GLB1L3: variants seen among roughly 807,000 people sequenced by gnomAD.
GLB1L3 encodes galactosidase beta 1 like 3, also known as beta-galactosidase-1-like protein 3.
Under a neutral mutation model 89.5 loss-of-function variants are expected in GLB1L3, and 89 were observed. The observed-to-expected ratio is 0.99, with a 90% CI of 0.84 to 1.19. The LOEUF is 1.19. Ranked by LOEUF, GLB1L3 falls within the 50% of genes most tolerant of loss-of-function variation. The probability of loss-of-function intolerance (pLI) is 0.00; values close to 1 mark genes in which losing one functional copy is unlikely to be tolerated. For synonymous variants in GLB1L3, 314 were observed against 312.3 expected, an observed-to-expected ratio of 1.01 and a Z score of -0.06; for missense variants, 812 against 813.3, an observed-to-expected ratio of 1.00 and a Z score of 0.02.
chr11:134,309,630 T>G lies in GLB1L3; in HGVS notation c.966T>G (p.Val322=), dbSNP rs1942623598. 1 of 1,599,214 alleles carries G rather than the reference T, an allele frequency of 6.3e-7. No individual in the cohort carries two copies. Among genetic ancestry groups the G allele is most frequent in the Non-Finnish European group, 8.5e-7 (1 of 1,169,704 alleles). The part of the protein sequence containing the change: ...DKHHVKDAKE[V]EHAVSEFIKY... ...TTCTCATGTTCCCCTTTGCAGAGGT[T>G]GAACATGCTGTGTCTGAATTCATCA... The change falls in exon 11 of 20, where the codon GTT becomes GTG. Residue 322 remains valine, a synonymous_variant. Transcript: ENST00000431683.
At chr11:134,298,114 T>C (rs1941755177) in intron 9 of GLB1L3, among the ~76,000 whole-genome samples, 1 of 152,024 alleles carries the variant, frequency 6.6e-6, no homozygotes, top group African/African-American at 2.4e-5. Context: ...AATTTTCTGT[T>C]TGTCTTTAGT....
intron 16 of GLB1L3, 86 bp downstream of exon 16, chr11:134,313,560 G>T: frequency 9.2e-7 from 1 of 1,084,810 alleles, no homozygotes; most frequent in Non-Finnish European, 1.4e-6. Flanking sequence ...AGAGGGTGGG[G>T]AAACCAGCCG....
At chr11:134,314,761 A>G (rs1942906039) in intron 18 of GLB1L3, among the ~76,000 whole-genome samples, 1 of 152,176 alleles carries the variant, frequency 6.6e-6, no homozygotes, top group South Asian at 2.1e-4. Flanking sequence ...GTACATTTTT[A>G]TATATAACTT....
At chr11:134,324,244 C>A (rs1355441364), downstream of GLB1L3, among the ~76,000 whole-genome samples, 1 of 152,178 alleles carries the variant, frequency 6.6e-6, no homozygotes, top group Non-Finnish European at 1.5e-5. Context: ...TTTCTGCATG[C>A]CCAAATATCT....
At position 134,277,907 on chromosome 11, in the gene GLB1L3, C is replaced by A. The variant is rs1940467836; in HGVS notation, c.357C>A (p.Val119=). ...LKLKACGFNT[V]TTYVPWNLHE... Reference sequence around the variant, plus strand: ...TGAAGGCCTGTGGCTTCAATACTGTCACCACGTGAGTGCCGGCCCCTCACC... The same window carrying A: ...TGAAGGCCTGTGGCTTCAATACTGTAACCACGTGAGTGCCGGCCCCTCACC... Residue 119 remains valine, a synonymous_variant, in exon 3 of 20, where the codon GTC becomes GTA. Transcript: ENST00000431683. 1 of 1,613,780 alleles carries A rather than the reference C, an allele frequency of 6.2e-7. No homozygotes were observed. The highest frequency in any genetic ancestry group is 1.1e-5 in the South Asian group (1 of 91,056).
chr11:134,314,124 T>C (rs1942878976), intron 17 of GLB1L3, 96 bp downstream of exon 17: 3 of 880,474 alleles, frequency 3.4e-6, no homozygotes, highest in African/African-American at 3.3e-5. Context: ...AGATAGAGAC[T>C]GAGTGATGTA....
chr11:134,313,913 C>T (rs1357023935), intron 16 of GLB1L3, 28 bp from the exon 17 acceptor site: 31 of 1,446,176 alleles, frequency 2.1e-5, no homozygotes, highest in Non-Finnish European at 3.0e-5. Flanking sequence ...CTCATATTCT[C>T]TTTCCTGCCT....
intron 3 of GLB1L3, among the ~76,000 whole-genome samples, chr11:134,280,084 T>C (rs559550499): frequency 1.3e-5 from 2 of 152,292 alleles, no homozygotes; most frequent in Admixed American, 6.5e-5. Context: ...TTTTGCTATA[T>C]AGTGCTTTGA....
At chr11:134,301,291 G>A (rs1941938186) in intron 9 of GLB1L3, among the ~76,000 whole-genome samples, 1 of 152,122 alleles carries the variant, frequency 6.6e-6, no homozygotes. Context: ...GTGAGGATGG[G>A]ATTTATGTTT....
intron 9 of GLB1L3, chr11:134,304,986 G>T (rs1441704210): frequency 3.5e-6 from 3 of 862,282 alleles, no homozygotes; most frequent in South Asian, 6.4e-5. Context: ...TGCTGTGAGA[G>T]CCCGCATGCG....
chr11:134,276,882 G>A (rs978533431), intron 1 of GLB1L3, 119 bp downstream of exon 1: 2 of 892,138 alleles, frequency 2.2e-6, no homozygotes, highest in Non-Finnish European at 1.5e-6. Context: ...GCGCCGGGCC[G>A]CGCCACCAAG....
chr11:134,305,552 A>G (rs1302260944), intron 9 of GLB1L3, among the ~76,000 whole-genome samples: 1 of 152,186 alleles, frequency 6.6e-6, no homozygotes, highest in African/African-American at 2.4e-5. Flanking sequence ...GGAGAATGTC[A>G]AGCCCACAGT....
Position 134,318,894 on chromosome 11 carries a change from G to A in GLB1L3, c.1914G>A (p.Lys638=), listed in dbSNP as rs938267591. The part of the protein sequence containing the change: ...PEDNEVILFE[K]MMSGSDIKST... ...CTTCTCAGGTCATCTTGTTTGAGAAGATGATGAGTGGCTCAGATATCAAAT... is the reference window on the plus strand; with the variant it reads ...CTTCTCAGGTCATCTTGTTTGAGAAAATGATGAGTGGCTCAGATATCAAAT... Residue 638 remains lysine, a synonymous_variant, in exon 20 of 20, where the codon AAG becomes AAA. Transcript: ENST00000431683. The A allele has an allele frequency of 1.7e-5, 27 of 1,613,042 alleles. No individual in the cohort carries two copies. The highest frequency in any genetic ancestry group is 2.2e-5 in the Non-Finnish European group (26 of 1,179,518).
At chr11:134,280,854 T>C (rs1940646758) in intron 3 of GLB1L3, among the ~76,000 whole-genome samples, 1 of 152,224 alleles carries the variant, frequency 6.6e-6, no homozygotes, top group Non-Finnish European at 1.5e-5. Flanking sequence ...AAAACACAGT[T>C]GCCTAGTGAA....
chr11:134,310,367 T>G (rs1942663670), intron 11 of GLB1L3: 1 of 577,510 alleles, frequency 1.7e-6, no homozygotes, highest in African/African-American at 1.9e-5. Context: ...CCCAGTGTCA[T>G]GGCTTGACAC....
At chr11:134,299,274 GAGAT>G (rs1161010383) in intron 9 of GLB1L3, among the ~76,000 whole-genome samples, 2 of 151,826 alleles carry the variant, frequency 1.3e-5, no homozygotes, top group African/African-American at 4.8e-5. Context: ...AATTCCTTGT[GAGAT>G]AGTTACAACA....
Position 134,311,156 on chromosome 11 carries a change from TCCTACTTAAATGAGGTGCGTGCTG to T in GLB1L3, c.1277_1287+13del. The T allele has an allele frequency of 1.9e-6, 3 of 1,613,486 alleles. No individual in the cohort carries two copies. The highest frequency in any genetic ancestry group is 2.5e-6 in the Non-Finnish European group (3 of 1,179,456). On this transcript the variant is annotated splice_donor_variant and splice_donor_5th_base_variant and coding_sequence_variant and intron_variant, in exon 13 of 20. Transcript: ENST00000431683. LOFTEE classifies it high-confidence loss of function. The stretch of plus-strand genomic sequence containing the variant: ...GTACCTCCCGCTGTGGGACGCCCTA[TCCTACTTAAATGAGGTGCGTGCTG>T]CCTGGCCACAGGAGGCGGAGTGGCC...
At chr11:134,283,906 G>C (rs1341567625) in intron 6 of GLB1L3, 61 bp downstream of exon 6, 1 of 997,360 alleles carries the variant, frequency 1.0e-6, no homozygotes, top group Non-Finnish European at 1.6e-6. Flanking sequence ...AGTTTGTTCT[G>C]GCTTGATCAC....
Position 134,293,024 on chromosome 11 carries a change from C to T in GLB1L3, c.812-121C>T, listed in dbSNP as rs570490807. The T allele has an allele frequency of 1.4e-5, 11 of 766,384 alleles. No individual in the cohort carries two copies. In the Admixed American group the frequency reaches 1.6e-4, roughly 11 times the overall value. The allele number at this position is 766,384 out of a possible 1,614,324, so 47.5% of individuals were successfully genotyped here. On this transcript the variant is annotated intron_variant, in intron 8 of 19. Coordinates refer to ENST00000431683, the MANE Select transcript of GLB1L3 (RefSeq NM_001080407.3). ...GCAGAGTGGGGTCCAGACAGCATCT[C>T]GCCATCCTCACTGCTGAGCATGGGT... is the stretch of plus-strand genomic sequence containing the variant.
Sources: allele counts gnomAD v4.1 joint callset (sites outside exome capture counted in the v4.1 genomes callset), GRCh38; gene constraint gnomAD v4.1.1; transcripts MANE v1.5; gene names NCBI Gene and HGNC (gene_info 2026-07-23, HGNC 2026-07-21).